SLC9A9: variants seen among roughly 807,000 people sequenced by gnomAD.
SLC9A9 encodes sodium/hydrogen exchanger 9.
In SLC9A9, 62 loss-of-function variants were observed where a neutral mutation model predicts 77.8. That is an observed-to-expected ratio of 0.80 (90% CI 0.65 to 0.98). The LOEUF (loss-of-function observed/expected upper bound fraction) is 0.98, where lower values mean the gene tolerates loss of function less well. SLC9A9 is among the 50% of genes least tolerant of loss of function. SLC9A9 has a pLI of 0.00. For synonymous variants in SLC9A9, 320 were observed against 283.5 expected (o/e 1.13, Z -1.29); for missense variants, 775 against 774.9 (o/e 1.00, Z 0.00).
intron 14 of SLC9A9, among the ~76,000 whole-genome samples, chr3:143,293,732 T>C (rs1226077895): frequency 6.6e-6 from 1 of 152,192 alleles, no homozygotes; most frequent in Non-Finnish European, 1.5e-5. Flanking sequence ...TTGAATAACG[T>C]GACACTCAAG....
intron 2 of SLC9A9, among the ~76,000 whole-genome samples, chr3:143,815,029 A>G (rs912332856): frequency 1.3e-5 from 2 of 152,132 alleles, no homozygotes; most frequent in African/African-American, 2.4e-5. Context: ...AGGGAGAATA[A>G]AAGGACAAAG....
At chr3:143,652,778 T>TACAC (rs369670861) in intron 5 of SLC9A9, among the ~76,000 whole-genome samples, 4,294 of 82,376 alleles carry the variant, frequency 0.052, 192 homozygotes, top group African/African-American at 0.16. Context: ...ATTCCTTAAA[T>TACAC]ACACACACAC....
chr3:143,543,475 G>A (rs972837429), intron 9 of SLC9A9, among the ~76,000 whole-genome samples: 1 of 151,902 alleles, frequency 6.6e-6, no homozygotes, highest in Non-Finnish European at 1.5e-5. Context: ...TTAGGGGTAC[G>A]GCTGATCCTG....
intron 5 of SLC9A9, among the ~76,000 whole-genome samples, chr3:143,672,833 A>C (rs1034477628): frequency 2.0e-5 from 3 of 152,320 alleles, no homozygotes; most frequent in Admixed American, 2.0e-4. Context: ...CCAACCTTTA[A>C]AAAATATGCT....
chr3:143,741,707 AT>A (rs576330405), intron 4 of SLC9A9, among the ~76,000 whole-genome samples: 2 of 152,252 alleles, frequency 1.3e-5, no homozygotes, highest in South Asian at 4.1e-4. Context: ...TGCTGACAGT[AT>A]GTAGTCTTTG....
chr3:143,351,513 T>C (rs1222736782), intron 14 of SLC9A9, among the ~76,000 whole-genome samples: 3 of 152,042 alleles, frequency 2.0e-5, no homozygotes, highest in Non-Finnish European at 4.4e-5. Context: ...CTTCTGTTTG[T>C]TGGAAGGTCA....
intron 4 of SLC9A9, among the ~76,000 whole-genome samples, chr3:143,768,303 A>C (rs1245202142): frequency 6.6e-6 from 1 of 152,192 alleles, no homozygotes; most frequent in Non-Finnish European, 1.5e-5. Context: ...GGGGCACTGC[A>C]TATCTGGCAT....
In SLC9A9 at chr3:143,747,404, CAAAAAAAAAAA is replaced by C. The variant is rs1003997379; in HGVS notation, c.533+47586_533+47596del. ...GGGCAACAAGAGTGAAACTCCATCT[CAAAAAAAAAAA>C]AAAAAAAAAAGAGGGACTTTGCAGA... On this transcript the variant is annotated intron_variant, in intron 4 of 15. Transcript: ENST00000316549. Among the ~76,000 whole-genome samples, 12 of 51,720 alleles carry C rather than the reference CAAAAAAAAAAA, an allele frequency of 2.3e-4. No homozygotes were observed. In the East Asian group the frequency reaches 5.4e-3, roughly 23 times the overall value. The allele number at this position is 51,720 out of a possible 152,430, so 33.9% of individuals were successfully genotyped here.
At chr3:143,698,073 T>G (rs1933692856) in intron 4 of SLC9A9, 1 of 152,280 alleles carries the variant, frequency 6.6e-6, no homozygotes, top group Non-Finnish European at 1.5e-5. Context: ...AGTCACCGTA[T>G]CCTCACAGAG....
At chr3:143,505,727 C>T (rs1293842554) in intron 9 of SLC9A9, among the ~76,000 whole-genome samples, 1 of 152,112 alleles carries the variant, frequency 6.6e-6, no homozygotes, top group African/African-American at 2.4e-5. Context: ...CAACAAAACA[C>T]ATTTTAGGAA....
At chr3:143,386,955 C>T (rs1384657000) in intron 12 of SLC9A9, among the ~76,000 whole-genome samples, 2 of 152,148 alleles carry the variant, frequency 1.3e-5, no homozygotes, top group African/African-American at 4.8e-5. Flanking sequence ...ATTCTTTTGC[C>T]TTAGCCCCCT....
intron 9 of SLC9A9, among the ~76,000 whole-genome samples, chr3:143,523,729 C>A (rs899928875): frequency 6.6e-6 from 1 of 152,082 alleles, no homozygotes; most frequent in Non-Finnish European, 1.5e-5. Context: ...TTTCCATAAT[C>A]CTCTTAATGT....
chr3:143,370,596 CACACA>C (rs1407324451), intron 13 of SLC9A9, among the ~76,000 whole-genome samples: 5 of 151,654 alleles, frequency 3.3e-5, no homozygotes, highest in African/African-American at 1.2e-4. Flanking sequence ...CACACACACA[CACACA>C]CCCTAACAAA....
rs192218973 is a variant in SLC9A9 at position 143,598,590 on chromosome 3, G to A, written c.756-19867C>T. ...AATAGCCTCCTTTGAAAAAGACACC[G>A]TCTTCCTCCAAATCCGCACATGCTA... On this transcript the variant is annotated intron_variant, in intron 6 of 15. Transcript: ENST00000316549. Among the ~76,000 whole-genome samples, 34 of 152,278 alleles carry A rather than the reference G, an allele frequency of 2.2e-4. No individual in the cohort carries two copies. The East Asian group carries it at 6.4e-3, about 29-fold the overall frequency.
At chr3:143,461,551 C>T (rs796634562) in intron 12 of SLC9A9, among the ~76,000 whole-genome samples, 22 of 151,964 alleles carry the variant, frequency 1.4e-4, no homozygotes, top group East Asian at 3.9e-4. Context: ...TTATAATGTT[C>T]GAAAGGGGTA....
chr3:143,497,881 C>G (rs2035862369), intron 9 of SLC9A9, among the ~76,000 whole-genome samples: 1 of 152,130 alleles, frequency 6.6e-6, no homozygotes, highest in African/African-American at 2.4e-5. Flanking sequence ...CTTTGTCCCC[C>G]TCACCTCCAC....
chr3:143,365,205 T>G (rs1412317926), intron 13 of SLC9A9, among the ~76,000 whole-genome samples: 1 of 152,156 alleles, frequency 6.6e-6, no homozygotes. Flanking sequence ...ATGTTCTTAC[T>G]TATAAGTGGA....
intron 14 of SLC9A9, among the ~76,000 whole-genome samples, chr3:143,294,540 G>T (rs2030163606): frequency 6.6e-6 from 1 of 152,152 alleles, no homozygotes; most frequent in Admixed American, 6.5e-5. Context: ...AAATCAACTG[G>T]ATCCTAAATT....
intron 5 of SLC9A9, among the ~76,000 whole-genome samples, chr3:143,675,020 A>G (rs577086219): frequency 3.3e-5 from 5 of 152,342 alleles, no homozygotes; most frequent in African/African-American, 1.2e-4. Flanking sequence ...CTACGGAATC[A>G]GAATTTCAGG....
Sources: allele counts gnomAD v4.1 joint callset (sites outside exome capture counted in the v4.1 genomes callset), GRCh38; gene constraint gnomAD v4.1.1; transcripts MANE v1.5; gene names NCBI Gene and HGNC (gene_info 2026-07-23, HGNC 2026-07-21).